The following KCNQ5 variants were observed in gnomAD, a reference collection of about 807,000 sequenced individuals.
KCNQ5 encodes potassium voltage-gated channel subfamily Q member 5, also known as potassium voltage-gated channel subfamily KQT member 5.
Under a neutral mutation model 98.2 loss-of-function variants are expected in KCNQ5, and 30 were observed. That is an observed-to-expected ratio of 0.31 (90% CI 0.23 to 0.41). The LOEUF (loss-of-function observed/expected upper bound fraction) is 0.41, where lower values mean the gene tolerates loss of function less well. KCNQ5 is among the 10% of genes least tolerant of loss of function. KCNQ5 has a pLI of 1.00. For missense variants in KCNQ5, 835 were observed against 1,182.5 expected, an observed-to-expected ratio of 0.71 and a Z score of 4.31; for synonymous variants, 458 against 449.4, an observed-to-expected ratio of 1.02 and a Z score of -0.24.
chr6:72,726,117 T>A (rs1331902469), intron 1 of KCNQ5, among the ~76,000 whole-genome samples: 2 of 148,304 alleles, frequency 1.3e-5, no homozygotes, highest in African/African-American at 5.1e-5. Context: ...AAAAAAAAAA[T>A]TAATTCACAA....
At chr6:72,845,718 T>C (rs1408310269) in intron 1 of KCNQ5, among the ~76,000 whole-genome samples, 1 of 152,234 alleles carries the variant, frequency 6.6e-6, no homozygotes, top group Non-Finnish European at 1.5e-5. Flanking sequence ...CATGTAATTT[T>C]AAATAAATAA....
At chr6:73,138,072 A>G (rs1479799570) in intron 10 of KCNQ5, among the ~76,000 whole-genome samples, 1 of 152,212 alleles carries the variant, frequency 6.6e-6, no homozygotes, top group Non-Finnish European at 1.5e-5. Context: ...AATTGGGGAA[A>G]TGGCCTTTCA....
At chr6:72,921,230 A>T (rs1440017319) in intron 1 of KCNQ5, among the ~76,000 whole-genome samples, 2 of 152,218 alleles carry the variant, frequency 1.3e-5, no homozygotes, top group Admixed American at 6.5e-5. Flanking sequence ...CAGCAGTAAG[A>T]TTCAATTAGA....
intron 1 of KCNQ5, among the ~76,000 whole-genome samples, chr6:72,714,192 T>C (rs938345545): frequency 1.3e-5 from 2 of 152,002 alleles, no homozygotes; most frequent in African/African-American, 4.8e-5. Context: ...AGGCCTCTTC[T>C]TACTAAGTCT....
At chr6:72,836,607 T>A (rs1315745121) in intron 1 of KCNQ5, among the ~76,000 whole-genome samples, 1 of 151,000 alleles carries the variant, frequency 6.6e-6, no homozygotes, top group Non-Finnish European at 1.5e-5. Flanking sequence ...CTCTGCTAAT[T>A]TTTTTTTTTC....
intron 1 of KCNQ5, among the ~76,000 whole-genome samples, chr6:72,857,292 G>T (rs1349679484): frequency 1.3e-5 from 2 of 151,572 alleles, no homozygotes; most frequent in Non-Finnish European, 2.9e-5. Context: ...CATTTCCCTA[G>T]GCATTTATAA....
chr6:72,626,766 A>G (rs1478035422), intron 1 of KCNQ5, among the ~76,000 whole-genome samples: 2 of 152,190 alleles, frequency 1.3e-5, no homozygotes, highest in East Asian at 1.9e-4. Flanking sequence ...GGATCATACT[A>G]GAAAGGTGAG....
chr6:72,739,382 G>A (rs574030353), intron 1 of KCNQ5, among the ~76,000 whole-genome samples: 4 of 152,186 alleles, frequency 2.6e-5, no homozygotes, highest in African/African-American at 9.6e-5. Context: ...AACTATCTGG[G>A]GTATGCTATG....
chr6:72,780,288 C>T (rs957839490), intron 1 of KCNQ5, among the ~76,000 whole-genome samples: 3 of 152,188 alleles, frequency 2.0e-5, no homozygotes, highest in Non-Finnish European at 4.4e-5. Flanking sequence ...TATACTTCCT[C>T]CCAAGGAGTT....
rs1258772952 is a variant in KCNQ5 at position 73,062,726 on chromosome 6, TA to T, written c.617-14595del. Among the ~76,000 whole-genome samples the T allele has an allele frequency of 3.3e-5, 5 of 152,254 alleles. No homozygotes were observed. In the East Asian group the frequency reaches 9.6e-4, roughly 29 times the overall value. On this transcript the variant is annotated intron_variant, in intron 3 of 13. Coordinates refer to ENST00000370398, the MANE Select transcript of KCNQ5 (RefSeq NM_019842.4). The stretch of plus-strand genomic sequence containing the variant: ...TTATTTGGTCATGGGAACATGATTA[TA>T]TTTTTTAATAAAGTGCTTAATTTGC...
At chr6:73,093,888 G>C (rs1017792170) in intron 5 of KCNQ5, among the ~76,000 whole-genome samples, 2 of 152,076 alleles carry the variant, frequency 1.3e-5, no homozygotes, top group Non-Finnish European at 2.9e-5. Flanking sequence ...ATGGTTGTTG[G>C]ATGGAATGTT....
chr6:73,159,999 TTGTTTG>T (rs762391498), intron 10 of KCNQ5, among the ~76,000 whole-genome samples: 6,893 of 151,204 alleles, frequency 0.046, 214 homozygotes, highest in Middle Eastern at 0.09. Context: ...TTTTTTTTGT[TTGTTTG>T]TTTGTTTGTT....
At chr6:72,639,729 G>T (rs898355379) in intron 1 of KCNQ5, among the ~76,000 whole-genome samples, 7 of 152,130 alleles carry the variant, frequency 4.6e-5, no homozygotes, top group African/African-American at 1.7e-4. Flanking sequence ...GGGGAGAAGG[G>T]AGACAGATTA....
chr6:73,185,048 G>C (rs970606046), intron 11 of KCNQ5, among the ~76,000 whole-genome samples: 4 of 152,180 alleles, frequency 2.6e-5, no homozygotes, highest in African/African-American at 9.7e-5. Flanking sequence ...CTGCATTCAA[G>C]GTTCTCACAC....
intron 10 of KCNQ5, among the ~76,000 whole-genome samples, chr6:73,150,456 A>T (rs1057347060): frequency 2.7e-5 from 4 of 146,474 alleles, no homozygotes; most frequent in Non-Finnish European, 4.5e-5. Flanking sequence ...TATAATATAT[A>T]TTTTATTATA....
At chr6:72,946,890 G>C (rs750138153) in intron 1 of KCNQ5, among the ~76,000 whole-genome samples, 4 of 152,126 alleles carry the variant, frequency 2.6e-5, no homozygotes, top group Non-Finnish European at 5.9e-5. Flanking sequence ...GACCGGCAAG[G>C]GAATGTACAG....
At chr6:73,184,365 A>C (rs1027155586) in intron 11 of KCNQ5, among the ~76,000 whole-genome samples, 1 of 152,200 alleles carries the variant, frequency 6.6e-6, no homozygotes, top group Non-Finnish European at 1.5e-5. Flanking sequence ...TACTTTAGAA[A>C]GTTTTTTTAT....
intron 5 of KCNQ5, among the ~76,000 whole-genome samples, chr6:73,098,017 A>G (rs1774589705): frequency 1.3e-5 from 2 of 152,264 alleles, no homozygotes; most frequent in East Asian, 3.9e-4. Context: ...AACATGAGAC[A>G]CTCAACATAA....
intron 1 of KCNQ5, among the ~76,000 whole-genome samples, chr6:72,758,635 G>A (rs938598188): frequency 6.6e-6 from 1 of 152,080 alleles, no homozygotes. Flanking sequence ...CTAGGAAACG[G>A]GTGAGAACAG....
Sources: allele counts gnomAD v4.1 joint callset (sites outside exome capture counted in the v4.1 genomes callset), GRCh38; gene constraint gnomAD v4.1.1; transcripts MANE v1.5; gene names NCBI Gene and HGNC (gene_info 2026-07-23, HGNC 2026-07-21).